The following CAMSAP2 variants were observed in gnomAD, a reference collection of about 807,000 sequenced individuals.
CAMSAP2 encodes calmodulin regulated spectrin associated protein family member 2.
A neutral mutation model predicts 146.1 loss-of-function variants in CAMSAP2; 26 were observed. The observed-to-expected ratio is 0.18, with a 90% CI of 0.13 to 0.25. The LOEUF is 0.25. CAMSAP2 is among the 10% of genes least tolerant of loss of function. The probability of loss-of-function intolerance (pLI) is 1.00; values close to 1 mark genes in which losing one functional copy is unlikely to be tolerated. For synonymous variants in CAMSAP2, 499 were observed against 596.6 expected (o/e 0.84, Z 2.38); for missense variants, 1,381 against 1,759.3 (o/e 0.78, Z 3.85).
intron 4 of CAMSAP2, among the ~76,000 whole-genome samples, chr1:200,816,723 C>CATATATGTGTGTATACACACACGCACGT (rs1558190725): frequency 2.2e-5 from 1 of 45,910 alleles, no homozygotes; most frequent in Non-Finnish European, 5.5e-5. Flanking sequence ...TACACACGCA[C>CATATATGTGTGTATACACACACGCACGT]ATATATGTGT....
chr1:200,806,100 G>T (rs1454893858), intron 2 of CAMSAP2, among the ~76,000 whole-genome samples: 1 of 152,136 alleles, frequency 6.6e-6, no homozygotes, highest in Non-Finnish European at 1.5e-5. Flanking sequence ...GAGATTAACA[G>T]ATTTTACCAA....
At position 200,816,830 on chromosome 1, in the gene CAMSAP2, G is replaced by A. The variant is rs1340424647; in HGVS notation, c.645+1186G>A. 9.9e-5 allele frequency among the ~76,000 whole-genome samples: 9 copies of A among 90,908 alleles called. 2 individuals carry two copies. Among genetic ancestry groups the A allele is most frequent in the African/African-American group, 3.6e-4 (8 of 22,202 alleles). 59.6% of individuals were successfully genotyped at this position (90,908 alleles called of 152,430 possible). On this transcript the variant is annotated intron_variant, in intron 4 of 16. Transcript: ENST00000358823. ...TGTATATATGTGTGTACACACACAC[G>A]CGTGTGTATGTGTGTACACACACAC...
intron 1 of CAMSAP2, among the ~76,000 whole-genome samples, chr1:200,747,901 G>C (rs1204724028): frequency 1.3e-5 from 2 of 151,408 alleles, no homozygotes; most frequent in Non-Finnish European, 2.9e-5. Flanking sequence ...GCAGGAGAAT[G>C]GCGTGAACCC....
rs368882913 is a variant in CAMSAP2 at position 200,848,936 on chromosome 1, C to T, written c.2167C>T (p.His723Tyr). The change falls in exon 11 of 17, where the codon CAT (histidine) becomes TAT (tyrosine). Residue 723 changes from histidine to tyrosine, a missense_variant. Physicochemically the swap from His to Tyr is moderately conservative, Grantham distance 83 (BLOSUM62 2). Coordinates refer to ENST00000358823, the MANE Select transcript of CAMSAP2 (RefSeq NM_203459.4). The part of the protein sequence containing the change: ...TPEGSELNIP[H>Y]VVAWAQIPEE... ...AGAAGGCTCTGAACTTAATATTCCT[C>T]ATGTGGTTGCTTGGGCACAAATTCC... 3.1e-6 allele frequency: 5 copies of T among 1,614,096 alleles called. No individual in the cohort carries two copies. In the African/African-American group the frequency reaches 4.0e-5, roughly 13 times the overall value.
At chr1:200,847,572 T>A in intron 9 of CAMSAP2, 68 bp from the exon 10 acceptor site, 1 of 1,175,340 alleles carries the variant, frequency 8.5e-7, no homozygotes, top group Non-Finnish European at 1.3e-6. Context: ...ATACATGAAA[T>A]CTCCTAAGTT....
chr1:200,845,424 C>A (rs191436449), intron 8 of CAMSAP2, among the ~76,000 whole-genome samples: 1 of 151,978 alleles, frequency 6.6e-6, no homozygotes, highest in African/African-American at 2.4e-5. Flanking sequence ...GGGAATAATT[C>A]CCCAAAGCAG....
At chr1:200,827,157 C>T (rs1035880401) in intron 4 of CAMSAP2, among the ~76,000 whole-genome samples, 1 of 152,092 alleles carries the variant, frequency 6.6e-6, no homozygotes, top group African/African-American at 2.4e-5. Flanking sequence ...CCTTTTTCCG[C>T]CAAGAAGATT....
At chr1:200,814,532 C>T (rs1301790820) in intron 3 of CAMSAP2, among the ~76,000 whole-genome samples, 2 of 142,434 alleles carry the variant, frequency 1.4e-5, no homozygotes, top group Admixed American at 7.6e-5. Flanking sequence ...ATTGCTTGAA[C>T]CCAGGAGACG....
intron 4 of CAMSAP2, among the ~76,000 whole-genome samples, chr1:200,817,263 T>TACACAC (rs1352862803): frequency 1.1e-5 from 1 of 93,458 alleles, no homozygotes; most frequent in African/African-American, 4.0e-5. Context: ...TGTGTGTATA[T>TACACAC]ACACACATAT....
chr1:200,813,596 A>G (rs988427981), intron 3 of CAMSAP2, among the ~76,000 whole-genome samples: 36 of 152,344 alleles, frequency 2.4e-4, no homozygotes, highest in Middle Eastern at 3.4e-3. Flanking sequence ...TTCAGTAGAT[A>G]TCTGTTGAAT....
At chr1:200,821,128 G>T (rs1319111302) in intron 4 of CAMSAP2, among the ~76,000 whole-genome samples, 1 of 150,350 alleles carries the variant, frequency 6.7e-6, no homozygotes, top group Non-Finnish European at 1.5e-5. Flanking sequence ...CTACCCTTAA[G>T]ATTCTGTTTT....
chr1:200,848,559 G>A lies in CAMSAP2; in HGVS notation c.1790G>A (p.Gly597Asp), dbSNP rs1387518382. ...CCTGATAATGTAACTGATACGAAAG[G>A]TGCCTTGAGTCCCATAACTGACAAT... is the stretch of plus-strand genomic sequence containing the variant. ...SSPDNVTDTK[G>D]ALSPITDNTE... The change falls in exon 11 of 17, where the codon GGT becomes GAT. Residue 597 changes from glycine (G) to aspartate (D), a missense_variant. Coordinates refer to ENST00000358823, the MANE Select transcript of CAMSAP2 (RefSeq NM_203459.4). The A allele has an allele frequency of 1.2e-6, 2 of 1,614,018 alleles. No individual in the cohort carries two copies. Among genetic ancestry groups the A allele is most frequent in the Admixed American group, 1.7e-5 (1 of 59,996 alleles).
intron 2 of CAMSAP2, among the ~76,000 whole-genome samples, chr1:200,770,897 A>G (rs561105021): frequency 6.6e-5 from 10 of 152,308 alleles, no homozygotes; most frequent in African/African-American, 2.2e-4. Context: ...GTGTAGAAAG[A>G]AAAAATGCAT....
chr1:200,814,125 A>AG (rs58043977), intron 3 of CAMSAP2, among the ~76,000 whole-genome samples: 7 of 3,964 alleles, frequency 1.8e-3, no homozygotes, highest in Non-Finnish European at 2.8e-3. Context: ...AAAAAAAAAA[A>AG]GGTGGCGGGG....
chr1:200,759,381 C>T (rs1259423310), intron 1 of CAMSAP2, among the ~76,000 whole-genome samples: 1 of 151,290 alleles, frequency 6.6e-6, no homozygotes, highest in Admixed American at 6.6e-5. Flanking sequence ...TAGGTTCAAG[C>T]AATTCTACTG....
In CAMSAP2 at chr1:200,844,884, G is replaced by T. The variant is rs1194040563; in HGVS notation, c.1109+15G>T. Reference sequence around the variant, plus strand: ...TTCCCTTCAAGGTAAACTCCACAATGACTTTATTTTCACCATTTCTATTCT... The same window carrying T: ...TTCCCTTCAAGGTAAACTCCACAATTACTTTATTTTCACCATTTCTATTCT... On this transcript the variant is annotated intron_variant, in intron 8 of 16. Coordinates refer to ENST00000358823, the MANE Select transcript of CAMSAP2 (RefSeq NM_203459.4). The T allele has an allele frequency of 1.4e-6, 2 of 1,396,470 alleles. No individual in the cohort carries two copies. Among genetic ancestry groups the T allele is most frequent in the Non-Finnish European group, 2.0e-6 (2 of 1,007,936 alleles). The allele number at this position is 1,396,470 out of a possible 1,614,324, so 86.5% of individuals were successfully genotyped here. A position where few individuals can be genotyped will look rare whatever the true frequency, so the allele number is the denominator to read the frequency against.
chr1:200,744,591 G>A (rs969890172), intron 1 of CAMSAP2, among the ~76,000 whole-genome samples: 2 of 152,184 alleles, frequency 1.3e-5, no homozygotes, highest in South Asian at 2.1e-4. Context: ...GTAGAGTTCA[G>A]AAATAAGCTA....
chr1:200,739,198 G>T lies in CAMSAP2; in HGVS notation c.-630G>T, dbSNP rs1326719237. Among the ~76,000 whole-genome samples the T allele has an allele frequency of 2.6e-5, 4 of 151,988 alleles. No individual in the cohort carries two copies. The highest frequency in any genetic ancestry group is 9.7e-5 in the African/African-American group (4 of 41,402). On this transcript the variant is annotated 5_prime_UTR_variant, in exon 1 of 17. Transcript: ENST00000358823. This position sits in a 1 kb window ranked among gnomAD's most constrained non-coding sequence, Gnocchi z 4.8. ...GGCCGGCGGCGGCCTGTGAGCCGCAGTGATTTTGACGTTTTCCGCTGCTGC... is the reference window on the plus strand; with the variant it reads ...GGCCGGCGGCGGCCTGTGAGCCGCATTGATTTTGACGTTTTCCGCTGCTGC...
In CAMSAP2 at chr1:200,822,117, C is replaced by CCT. The variant is rs147240246; in HGVS notation, c.645+6489_645+6490dup. ...AAAATTTCCTTTATCATTCTGTCTCCCTCTCTCTCTCTCTCTCGCTCTACA... is the reference window on the plus strand; with the variant it reads ...AAAATTTCCTTTATCATTCTGTCTCCCTCTCTCTCTCTCTCTCTCGCTCTACA... On this transcript the variant is annotated intron_variant, in intron 4 of 16. Coordinates refer to ENST00000358823, the MANE Select transcript of CAMSAP2 (RefSeq NM_203459.4). Among the ~76,000 whole-genome samples, 1,011 of 134,604 alleles carry CCT rather than the reference C, an allele frequency of 7.5e-3. 6 individuals carry two copies. Among genetic ancestry groups the CCT allele is most frequent in the African/African-American group, 0.012 (417 of 36,212 alleles). 88.3% of individuals were successfully genotyped at this position (134,604 alleles called of 152,430 possible).
Sources: gnomAD v4.1 joint callset for allele counts (sites outside exome capture counted in the v4.1 genomes callset) on GRCh38, gnomAD v4.1.1 for gene constraint, Gnocchi (gnomAD v3.1) non-coding constraint, MANE v1.5 for transcripts, NCBI Gene and HGNC (gene_info 2026-07-23, HGNC 2026-07-21) for gene names.